RASGRF1: variants seen among roughly 807,000 people sequenced by gnomAD.
RASGRF1 encodes ras-specific guanine nucleotide-releasing factor 1.
In RASGRF1, 40 loss-of-function variants were observed where a neutral mutation model predicts 138.7. The ratio of observed to expected loss-of-function variants is 0.29; its 90% CI spans 0.22 to 0.38. RASGRF1 has a LOEUF of 0.38. Ranked by LOEUF, RASGRF1 falls within the 10% of genes least tolerant of loss-of-function variation. The pLI, the probability that RASGRF1 is intolerant of heterozygous loss-of-function variation, is 1.00. For synonymous variants in RASGRF1, 614 were observed against 663.2 expected, an observed-to-expected ratio of 0.93 and a Z score of 1.14; for missense variants, 1,108 against 1,650.4, an observed-to-expected ratio of 0.67 and a Z score of 5.69.
intron 13 of RASGRF1, among the ~76,000 whole-genome samples, chr15:79,009,218 A>G (rs2056744896): frequency 6.6e-6 from 1 of 152,242 alleles, no homozygotes; most frequent in African/African-American, 2.4e-5. Flanking sequence ...TACAGTCCTC[A>G]GGAAGGCTTC....
At chr15:79,004,638 G>C (rs147840707) in intron 14 of RASGRF1, 1 of 987,618 alleles carries the variant, frequency 1.0e-6, no homozygotes, top group African/African-American at 1.7e-5. Flanking sequence ...CTAAACGCAG[G>C]GTCCTTTCCA....
intron 1 of RASGRF1, among the ~76,000 whole-genome samples, chr15:79,076,083 C>T (rs1463599686): frequency 6.6e-6 from 1 of 152,234 alleles, no homozygotes; most frequent in Non-Finnish European, 1.5e-5. Context: ...GGTGGTTCTT[C>T]CAAATGGGCA....
At chr15:78,982,018 G>A (rs1414682830) in intron 23 of RASGRF1, among the ~76,000 whole-genome samples, 3 of 152,154 alleles carry the variant, frequency 2.0e-5, no homozygotes, top group Non-Finnish European at 2.9e-5. Context: ...GGTCAGAGGC[G>A]GGGGCTGAGT....
intron 11 of RASGRF1, among the ~76,000 whole-genome samples, chr15:79,018,972 C>T (rs1172081434): frequency 2.6e-5 from 4 of 152,178 alleles, no homozygotes; most frequent in Admixed American, 2.6e-4. Context: ...GTTTATTCTT[C>T]CCTTGGGGAA....
chr15:79,004,102 C>A lies in RASGRF1; in HGVS notation c.2149G>T (p.Ala717Ser), dbSNP rs755638460. ...GGCGGCGAGGAGAACTTGCGGGTGG[C>A]GCGCGGGGACTTGGGGGGTTCACCG... is the stretch of plus-strand genomic sequence containing the variant. Reference protein sequence around the residue: ...LYGEPPKSPRATRKFSSPPPL... With the variant: ...LYGEPPKSPRSTRKFSSPPPL... Residue 717 changes from alanine (A) to serine (S), a missense_variant, in exon 15 of 27, where the codon GCC (alanine) becomes TCC (serine). Physicochemically the swap from Ala to Ser is moderately conservative, Grantham distance 99. This residue lies in a region of RASGRF1 where 686 missense variants were observed against 976.7 expected (regional missense o/e 0.70). Transcript: ENST00000558480. 1 of 1,613,692 alleles carries A rather than the reference C, an allele frequency of 6.2e-7. No homozygotes were observed. The highest frequency in any genetic ancestry group is 1.1e-5 in the South Asian group (1 of 91,032).
Position 79,006,235 on chromosome 15 carries a change from C to T in RASGRF1, c.2026G>A (p.Asp676Asn). 6.2e-7 allele frequency: 1 copy of T among 1,614,192 alleles called. No individual in the cohort carries two copies. The highest frequency in any genetic ancestry group is 8.5e-7 in the Non-Finnish European group (1 of 1,180,042). ...RVFTTAIVVL[D>N]KLITIYKKPI... ...TTCTTGTAGATGGTAATGAGCTTGTCCAGGACCACGATGGCGGTGGTGAAG... is the reference window on the plus strand; with the variant it reads ...TTCTTGTAGATGGTAATGAGCTTGTTCAGGACCACGATGGCGGTGGTGAAG... The change falls in exon 14 of 27, where the codon GAC (aspartate) becomes AAC (asparagine). Residue 676 changes from aspartate (D) to asparagine (N), a missense_variant. Around this residue, in one of 3 missense-constraint regions of RASGRF1, gnomAD observed 686 missense variants for 976.7 expected, o/e 0.70. Transcript: ENST00000558480. The surrounding 1 kb of genome is among the most constrained non-coding windows in gnomAD (Gnocchi z 4.0).
At chr15:78,991,663 G>T (rs1407380282) in intron 21 of RASGRF1, 28 bp downstream of exon 21, 1 of 1,568,470 alleles carries the variant, frequency 6.4e-7, no homozygotes. Flanking sequence ...GGAAGCGGGG[G>T]GAGGCGGGTG....
chr15:79,057,136 C>T (rs376275858), intron 3 of RASGRF1, among the ~76,000 whole-genome samples: 14 of 152,318 alleles, frequency 9.2e-5, no homozygotes, highest in Admixed American at 2.0e-4. Flanking sequence ...CCATCACCCC[C>T]AACCCTCAGC....
In RASGRF1 at chr15:79,006,007, A is replaced by G. The variant is rs1234925339; in HGVS notation, c.2075+179T>C. ...GTGAGCTGTCCCTGCCTCTCTGCAG[A>G]GGGAGGCTTGGTTCCTGGGGAGAGG... is the stretch of plus-strand genomic sequence containing the variant. On this transcript the variant is annotated intron_variant, in intron 14 of 26. Coordinates refer to ENST00000558480, the MANE Select transcript of RASGRF1 (RefSeq NM_001145648.3). The surrounding 1 kb of genome is among the most constrained non-coding windows in gnomAD (Gnocchi z 4.0). Among the ~76,000 whole-genome samples, 1 of 152,066 alleles carries G rather than the reference A, an allele frequency of 6.6e-6. No individual in the cohort carries two copies. The highest frequency in any genetic ancestry group is 1.9e-4 in the East Asian group (1 of 5,180).
intron 2 of RASGRF1, among the ~76,000 whole-genome samples, chr15:79,061,431 T>TATATATATATATATATATATGTATAA (rs1555461889): frequency 6.9e-6 from 1 of 144,600 alleles, no homozygotes. Flanking sequence ...TATATATATA[T>TATATATATATATATATATATGTATAA]CATTCATTTT....
intron 1 of RASGRF1, among the ~76,000 whole-genome samples, chr15:79,080,843 G>T (rs1475310654): frequency 1.3e-5 from 2 of 152,192 alleles, no homozygotes; most frequent in East Asian, 3.8e-4. Context: ...AGAACCTGGA[G>T]GCCTGGTGCA....
At position 78,990,173 on chromosome 15, in the gene RASGRF1, T is replaced by G; in HGVS notation, c.3216+16A>C. 1 of 1,559,138 alleles carries G rather than the reference T, an allele frequency of 6.4e-7. No homozygotes were observed. Among genetic ancestry groups the G allele is most frequent in the Non-Finnish European group, 8.8e-7 (1 of 1,129,964 alleles). On this transcript the variant is annotated intron_variant, in intron 22 of 26. Coordinates refer to ENST00000558480, the MANE Select transcript of RASGRF1 (RefSeq NM_001145648.3). ...AGAAAAACCCCAGTGAGAGAGGCGC[T>G]CCCATCCATACTCACGTCATTGAAG...
chr15:78,985,455 G>GGAATC (rs1395506245), intron 22 of RASGRF1: 4 of 394,656 alleles, frequency 1.0e-5, no homozygotes, highest in Admixed American at 4.1e-5. Flanking sequence ...AATAACAATG[G>GGAATC]GAATCTGTAA....
At chr15:79,083,760 A>G (rs985838386) in intron 1 of RASGRF1, among the ~76,000 whole-genome samples, 1 of 152,174 alleles carries the variant, frequency 6.6e-6, no homozygotes, top group Non-Finnish European at 1.5e-5. Flanking sequence ...ACTTTGAACA[A>G]CTTAACATCT....
Position 79,001,653 on chromosome 15 carries a change from GCATTGTA to G in RASGRF1, c.2575+2_2575+8del, listed in dbSNP as rs773037647. On this transcript the variant is annotated splice_donor_variant and splice_donor_5th_base_variant and intron_variant, in intron 16 of 26. Transcript: ENST00000558480. LOFTEE classifies it high-confidence loss of function. Reference sequence around the variant, plus strand: ...AATCTATTTGTGGTTTTGAATTGGTGCATTGTACCTGAAGAATTTTTGTTTTTGACTG... The same window carrying G: ...AATCTATTTGTGGTTTTGAATTGGTGCCTGAAGAATTTTTGTTTTTGACTG... The G allele has an allele frequency of 4.3e-6, 7 of 1,612,838 alleles. No individual in the cohort carries two copies. The African/African-American group carries it at 9.3e-5, about 22-fold the overall frequency.
intron 10 of RASGRF1, among the ~76,000 whole-genome samples, chr15:79,022,255 C>T (rs776650734): frequency 2.6e-5 from 4 of 152,162 alleles, no homozygotes; most frequent in Non-Finnish European, 4.4e-5. Context: ...GCCTGACCAA[C>T]ATGGTGAAAC....
At chr15:79,072,564 C>T (rs1053485847) in intron 1 of RASGRF1, among the ~76,000 whole-genome samples, 24 of 152,184 alleles carry the variant, frequency 1.6e-4, no homozygotes, top group African/African-American at 5.3e-4. Context: ...CGTGAGCCAC[C>T]GCGCCCGGCC....
rs115706349 is a variant in RASGRF1, at chr15:79,037,028, G to T, written c.879-1818C>A. 8.5e-3 allele frequency among the ~76,000 whole-genome samples: 1,297 copies of T among 152,268 alleles called. 10 individuals are homozygous for T. Among genetic ancestry groups the T allele is most frequent in the African/African-American group, 0.03 (1,261 of 41,546 alleles). ...ATCATCTCCCTAAAGTTCCAAGAGA[G>T]ACAGTCCCTCCAGGTATAGCAACTT... On this transcript the variant is annotated intron_variant, in intron 5 of 26. Coordinates refer to ENST00000558480, the MANE Select transcript of RASGRF1 (RefSeq NM_001145648.3).
rs1277348601 is a variant in RASGRF1, at chr15:79,050,534, A to T, written c.532-946T>A. On this transcript the variant is annotated intron_variant, in intron 3 of 26. Transcript: ENST00000558480. The surrounding 1 kb of genome is among the most constrained non-coding windows in gnomAD (Gnocchi z 4.1). Reference sequence around the variant, plus strand: ...CCTGGGCAGCCCCAAAGCACCTCTTAGAATCAGAGGCCTATTTCAATCATA... The same window carrying T: ...CCTGGGCAGCCCCAAAGCACCTCTTTGAATCAGAGGCCTATTTCAATCATA... 6.6e-6 allele frequency among the ~76,000 whole-genome samples: 1 copy of T among 152,218 alleles called. No homozygotes were observed. Among genetic ancestry groups the T allele is most frequent in the African/African-American group, 2.4e-5 (1 of 41,454 alleles).
Sources: allele counts gnomAD v4.1 joint callset (sites outside exome capture counted in the v4.1 genomes callset), GRCh38; gene constraint gnomAD v4.1.1; regional missense constraint gnomAD v4.1.1; non-coding constraint Gnocchi (gnomAD v3.1); transcripts MANE v1.5; gene names NCBI Gene and HGNC (gene_info 2026-07-23, HGNC 2026-07-21).